The following TTC23 variants were observed in gnomAD, a reference collection of about 807,000 sequenced individuals.
The protein encoded by TTC23 is tetratricopeptide repeat domain 23.
TTC23 carries 58 observed loss-of-function variants against 55.1 expected under a neutral mutation model. That is an observed-to-expected ratio of 1.05 (90% CI 0.85 to 1.31). The LOEUF (loss-of-function observed/expected upper bound fraction) is 1.31, where lower values mean the gene tolerates loss of function less well. Ranked by LOEUF, TTC23 falls within the 50% of genes most tolerant of loss-of-function variation. The pLI, the probability that TTC23 is intolerant of heterozygous loss-of-function variation, is 0.00. For synonymous variants in TTC23, 203 were observed against 199.9 expected (o/e 1.02, Z -0.13); for missense variants, 516 against 534.4 (o/e 0.97, Z 0.34).
At chr15:99,219,794 C>T (rs745546920) in intron 6 of TTC23, among the ~76,000 whole-genome samples, 38 of 152,188 alleles carry the variant, frequency 2.5e-4, no homozygotes, top group Non-Finnish European at 4.9e-4. Flanking sequence ...CAACCACTTC[C>T]ACTCACATAC....
At chr15:99,238,081 T>G (rs888590606) in intron 3 of TTC23, among the ~76,000 whole-genome samples, 1 of 152,100 alleles carries the variant, frequency 6.6e-6, no homozygotes, top group South Asian at 2.1e-4. Flanking sequence ...TTCTCCTGCC[T>G]CCGCCTCCCA....
At chr15:99,147,288 C>T (rs1403818303) in intron 12 of TTC23, among the ~76,000 whole-genome samples, 54 of 135,066 alleles carry the variant, frequency 4.0e-4, no homozygotes, top group African/African-American at 1.1e-3. Flanking sequence ...TGCAGCGGCG[C>T]GATCTCAGCT....
chr15:99,172,945 C>T (rs2073122795), intron 10 of TTC23, among the ~76,000 whole-genome samples: 1 of 152,162 alleles, frequency 6.6e-6, no homozygotes, highest in African/African-American at 2.4e-5. Flanking sequence ...AGCAGAGTGG[C>T]CTAACTTCAC....
chr15:99,155,543 A>G (rs797041042), intron 12 of TTC23: 7 of 152,408 alleles, frequency 4.6e-5, no homozygotes, highest in African/African-American at 1.7e-4. Context: ...CACATATTAA[A>G]TCATTCTATA....
chr15:99,157,727 A>G (rs553474590), intron 11 of TTC23: 3 of 152,214 alleles, frequency 2.0e-5, no homozygotes, highest in Non-Finnish European at 4.4e-5. Context: ...CAATTTATTT[A>G]TACTAACATG....
chr15:99,187,452 C>CAGAAAAA (rs2074781785), intron 9 of TTC23, among the ~76,000 whole-genome samples: 1 of 44,506 alleles, frequency 2.2e-5, no homozygotes, highest in Admixed American at 2.9e-4. Flanking sequence ...AAAGCACAAG[C>CAGAAAAA]AAAAAAAAAA....
At chr15:99,213,008 G>A (rs112110067) in intron 8 of TTC23, among the ~76,000 whole-genome samples, 43,295 of 102,956 alleles carry the variant, frequency 0.42, 9,126 homozygotes, top group Middle Eastern at 0.52. Context: ...AAAAAAAAAG[G>A]GGGGGACATA....
chr15:99,177,462 T>C lies in TTC23; in HGVS notation c.760-2307A>G, dbSNP rs577285787. Among the ~76,000 whole-genome samples the C allele has an allele frequency of 8.5e-5, 13 of 152,262 alleles. No homozygotes were observed. In the South Asian group the frequency reaches 2.5e-3, roughly 29 times the overall value. ...TTCAACTTCATGTGTATATAGACAA[T>C]AGCAGCCACAGGGATAGAGTCAAAT... On this transcript the variant is annotated intron_variant, in intron 9 of 13. Coordinates refer to ENST00000394132, the MANE Select transcript of TTC23 (RefSeq NM_001288615.3).
chr15:99,181,862 T>C (rs1039471507), intron 9 of TTC23, among the ~76,000 whole-genome samples: 1 of 152,188 alleles, frequency 6.6e-6, no homozygotes, highest in Non-Finnish European at 1.5e-5. Flanking sequence ...GGCCCTGGAC[T>C]AAGCCAGTTT....
intron 8 of TTC23, among the ~76,000 whole-genome samples, chr15:99,207,344 C>A (rs563521380): frequency 6.6e-6 from 1 of 152,190 alleles, no homozygotes; most frequent in African/African-American, 2.4e-5. Flanking sequence ...AAGAAAAATG[C>A]AAATAGCTCA....
chr15:99,203,175 C>T (rs2076333468), intron 8 of TTC23, among the ~76,000 whole-genome samples: 1 of 151,884 alleles, frequency 6.6e-6, no homozygotes, highest in African/African-American at 2.4e-5. Flanking sequence ...TTTTCTTATC[C>T]AATTGAACTT....
intron 2 of TTC23, among the ~76,000 whole-genome samples, chr15:99,244,292 C>A (rs1172719775): frequency 2.0e-5 from 3 of 152,074 alleles, no homozygotes; most frequent in Non-Finnish European, 4.4e-5. Flanking sequence ...GTCAGAGCAA[C>A]AGGCAAGAAC....
intron 12 of TTC23, chr15:99,140,452 C>T (rs974251990): frequency 4.6e-5 from 7 of 152,088 alleles, no homozygotes; most frequent in Non-Finnish European, 1.0e-4. Context: ...TCACTGCAAC[C>T]TCCACCTCCT....
rs757655796 is a variant in TTC23, at chr15:99,246,354, G to A, written c.-430-844C>T. On this transcript the variant is annotated intron_variant, in intron 1 of 13. Transcript: ENST00000394132. ...CATGGGGCTGGGCGTGGTGGCTCAC[G>A]CCTGTAATCCCAGCACTTTGGGAGG... Among the ~76,000 whole-genome samples, 21 of 152,186 alleles carry A rather than the reference G, an allele frequency of 1.4e-4. No homozygotes were observed. In the East Asian group the frequency reaches 2.9e-3, roughly 21 times the overall value.
At chr15:99,170,502 G>A (rs541752096) in intron 10 of TTC23, among the ~76,000 whole-genome samples, 1 of 152,300 alleles carries the variant, frequency 6.6e-6, no homozygotes, top group South Asian at 2.1e-4. Flanking sequence ...CCTTGGTGCT[G>A]GGTGGAATGT....
intron 13 of TTC23, among the ~76,000 whole-genome samples, chr15:99,138,371 T>C (rs959319804): frequency 5.9e-5 from 9 of 152,014 alleles, no homozygotes; most frequent in Non-Finnish European, 1.2e-4. Context: ...TGGAGTGCAG[T>C]GGCCCCATCT....
At chr15:99,194,518 A>C (rs1370610628) in intron 9 of TTC23, among the ~76,000 whole-genome samples, 1 of 151,424 alleles carries the variant, frequency 6.6e-6, no homozygotes, top group East Asian at 1.9e-4. Context: ...CAGTTTTTTC[A>C]ACAAACCGTG....
At chr15:99,163,244 G>A (rs2071625596) in intron 10 of TTC23, among the ~76,000 whole-genome samples, 1 of 152,198 alleles carries the variant, frequency 6.6e-6, no homozygotes, top group Admixed American at 6.5e-5. Flanking sequence ...AAGCATGACA[G>A]AGATTTGATG....
chr15:99,220,692 G>C (rs1214940139), intron 6 of TTC23, among the ~76,000 whole-genome samples: 2 of 152,194 alleles, frequency 1.3e-5, no homozygotes, highest in Non-Finnish European at 2.9e-5. Context: ...TTGGCATTTG[G>C]TGTTTTCCAC....
Sources: gnomAD v4.1 joint callset for allele counts (sites outside exome capture counted in the v4.1 genomes callset) on GRCh38, gnomAD v4.1.1 for gene constraint, MANE v1.5 for transcripts, NCBI Gene and HGNC (gene_info 2026-07-23, HGNC 2026-07-21) for gene names.